Variants in ZNF507 observed in about 807,000 individuals in gnomAD.
ZNF507 encodes zinc finger protein 507.
A neutral mutation model predicts 80.0 loss-of-function variants in ZNF507; 29 were observed. That is an observed-to-expected ratio of 0.36 (90% CI 0.27 to 0.49). The LOEUF (loss-of-function observed/expected upper bound fraction) is 0.49, where lower values mean the gene tolerates loss of function less well. Ranked by LOEUF, ZNF507 falls within the 20% of genes least tolerant of loss-of-function variation. ZNF507 has a pLI of 0.98. For synonymous variants in ZNF507, 462 were observed against 422.5 expected (o/e 1.09, Z -1.15); for missense variants, 1,081 against 1,152.2 (o/e 0.94, Z 0.90).
chr19:32,363,213 A>G (rs772278995), intron 5 of ZNF507, among the ~76,000 whole-genome samples: 1 of 152,208 alleles, frequency 6.6e-6, no homozygotes, highest in Non-Finnish European at 1.5e-5. Flanking sequence ...CTCAGAGTTC[A>G]TGCCATATCC....
chr19:32,353,051 G>A lies in ZNF507; in HGVS notation c.221G>A (p.Ser74Asn), dbSNP rs759338563. ...ATTGGGAAGAAACGCCCACGTTCAA[G>A]TGCTGCAACACACTCTCTTGAAACC... is the stretch of plus-strand genomic sequence containing the variant. ...LLIGKKRPRSSAATHSLETQE... is the reference protein window; with the variant it reads ...LLIGKKRPRSNAATHSLETQE... The change falls in exon 3 of 7, where the codon AGT (serine) becomes AAT (asparagine). Residue 74 changes from serine (S) to asparagine (N), a missense_variant. Transcript: ENST00000355898. 16 of 1,613,980 alleles carry A rather than the reference G, an allele frequency of 9.9e-6. No homozygotes were observed. In the East Asian group the frequency reaches 3.3e-4, roughly 34 times the overall value.
In ZNF507 at chr19:32,354,867, C is replaced by A. The variant is rs747739233; in HGVS notation, c.2037C>A (p.Asp679Glu). The change falls in exon 3 of 7, where the codon GAC (aspartate) becomes GAA (glutamate). Residue 679 changes from aspartate to glutamate, a missense_variant. By Grantham distance (45) the Asp-to-Glu change is conservative (BLOSUM62 2). Around this residue, in one of 6 missense-constraint regions of ZNF507, gnomAD observed 614 missense variants for 583.9 expected, o/e 1.05. Coordinates refer to ENST00000355898, the MANE Select transcript of ZNF507 (RefSeq NM_001136156.2). ...GTCCTATCTGCGAGCACATAGCGGA[C>A]AACAGCAAAGATTTGGAGAGTCACA... is the stretch of plus-strand genomic sequence containing the variant. ...YQCPICEHIADNSKDLESHMI... is the reference protein window; with the variant it reads ...YQCPICEHIAENSKDLESHMI... 6.2e-7 allele frequency: 1 copy of A among 1,614,154 alleles called. No homozygotes were observed. Among genetic ancestry groups the A allele is most frequent in the Non-Finnish European group, 8.5e-7 (1 of 1,180,032 alleles).
At chr19:32,350,739 A>G (rs1273515086) in intron 2 of ZNF507, among the ~76,000 whole-genome samples, 1 of 152,182 alleles carries the variant, frequency 6.6e-6, no homozygotes, top group Non-Finnish European at 1.5e-5. Flanking sequence ...TTTCATGGGG[A>G]AGGAGACCTT....
rs757742021 is a variant in ZNF507 at position 32,353,842 on chromosome 19, T to C, written c.1012T>C (p.Leu338=). The change falls in exon 3 of 7, where the codon TTA becomes CTA. Residue 338 remains leucine, a synonymous_variant. Transcript: ENST00000355898. ...SSEQLSSSSP[L]EQSAERGVHL... Reference sequence around the variant, plus strand: ...AGAACAGTTATCATCTTCATCTCCTTTAGAACAGAGTGCAGAAAGAGGAGT... The same window carrying C: ...AGAACAGTTATCATCTTCATCTCCTCTAGAACAGAGTGCAGAAAGAGGAGT... The C allele has an allele frequency of 6.2e-7, 1 of 1,614,124 alleles. No homozygotes were observed. Among genetic ancestry groups the C allele is most frequent in the Non-Finnish European group, 8.5e-7 (1 of 1,180,020 alleles).
chr19:32,363,294 G>C (rs1421555229), intron 5 of ZNF507, among the ~76,000 whole-genome samples: 1 of 152,214 alleles, frequency 6.6e-6, no homozygotes, highest in Admixed American at 6.5e-5. Flanking sequence ...TTCTTAAAGA[G>C]CTACAAGGCC....
Position 32,354,634 on chromosome 19 carries a change from G to C in ZNF507, c.1804G>C (p.Ala602Pro). Residue 602 changes from alanine to proline, a missense_variant, in exon 3 of 7, where the codon GCT (alanine) becomes CCT (proline). Around this residue, in one of 6 missense-constraint regions of ZNF507, gnomAD observed 614 missense variants for 583.9 expected, o/e 1.05. Coordinates refer to ENST00000355898, the MANE Select transcript of ZNF507 (RefSeq NM_001136156.2). ...ATTGAGAGAAAGGACAGACCAAAAC[G>C]CTTCAGACGATGACATTTTGAAAGA... is the stretch of plus-strand genomic sequence containing the variant. Reference protein sequence around the residue: ...EKLRERTDQNASDDDILKELQ... With the variant: ...EKLRERTDQNPSDDDILKELQ... The C allele has an allele frequency of 6.2e-7, 1 of 1,614,128 alleles. No homozygotes were observed. The highest frequency in any genetic ancestry group is 8.5e-7 in the Non-Finnish European group (1 of 1,180,028).
In ZNF507 at chr19:32,354,272, G is replaced by C; in HGVS notation, c.1442G>C (p.Gly481Ala). Residue 481 changes from glycine to alanine, a missense_variant, in exon 3 of 7, where the codon GGC (glycine) becomes GCC (alanine). Around this residue, in one of 6 missense-constraint regions of ZNF507, gnomAD observed 614 missense variants for 583.9 expected, o/e 1.05. Transcript: ENST00000355898. ...GCTACTGATGAGAATGCCCCACCAGGCCGGAGAAGGACAAATTCTGAGTCT... is the reference window on the plus strand; with the variant it reads ...GCTACTGATGAGAATGCCCCACCAGCCCGGAGAAGGACAAATTCTGAGTCT... ...GLATDENAPP[G>A]RRRTNSESLR... 6.2e-7 allele frequency: 1 copy of C among 1,614,178 alleles called. No individual in the cohort carries two copies. Among genetic ancestry groups the C allele is most frequent in the Non-Finnish European group, 8.5e-7 (1 of 1,180,048 alleles).
chr19:32,364,905 G>A (rs1394930174), intron 5 of ZNF507, among the ~76,000 whole-genome samples: 1 of 152,148 alleles, frequency 6.6e-6, no homozygotes, highest in Non-Finnish European at 1.5e-5. Flanking sequence ...GTTCCATAGT[G>A]GCTGTACTAG....
intron 5 of ZNF507, among the ~76,000 whole-genome samples, chr19:32,366,187 C>T (rs1417853697): frequency 6.6e-6 from 1 of 151,856 alleles, no homozygotes; most frequent in Non-Finnish European, 1.5e-5. Context: ...TTAAGTCTCT[C>T]TCTCCCTCCC....
At chr19:32,378,649 T>A (rs376711103) in intron 5 of ZNF507, among the ~76,000 whole-genome samples, 2 of 122,320 alleles carry the variant, frequency 1.6e-5, no homozygotes, top group East Asian at 2.0e-4. Flanking sequence ...CTTTTTTTTT[T>A]TAAAAAAAAA....
Position 32,353,575 on chromosome 19 carries a change from C to G in ZNF507, c.745C>G (p.Arg249Gly). 1 of 1,614,118 alleles carries G rather than the reference C, an allele frequency of 6.2e-7. No homozygotes were observed. The highest frequency in any genetic ancestry group is 8.5e-7 in the Non-Finnish European group (1 of 1,180,032). Residue 249 changes from arginine to glycine, a missense_variant, in exon 3 of 7, where the codon CGA becomes GGA. By Grantham distance (125) the Arg-to-Gly change is moderately radical. This residue lies in a region of ZNF507 where 275 missense variants were observed against 303.9 expected (regional missense o/e 0.90). Transcript: ENST00000355898. ...WYAYEQYGMY[R>G]CLFCSYTCGQ... ...TGCATACGAACAGTACGGCATGTAT[C>G]GATGCTTGTTTTGTAGTTATACTTG... is the stretch of plus-strand genomic sequence containing the variant.
At position 32,354,503 on chromosome 19, in the gene ZNF507, A is replaced by G. The variant is rs1333893313; in HGVS notation, c.1673A>G (p.Asn558Ser). Residue 558 changes from asparagine to serine, a missense_variant, in exon 3 of 7, where the codon AAC becomes AGC. Asn to Ser is a conservative substitution (Grantham distance 46). Coordinates refer to ENST00000355898, the MANE Select transcript of ZNF507 (RefSeq NM_001136156.2). ...TCTTCAGATGGATTAACTAGTCTTAACCAAAGCAACTCCACCTTGGTAGCA... is the reference window on the plus strand; with the variant it reads ...TCTTCAGATGGATTAACTAGTCTTAGCCAAAGCAACTCCACCTTGGTAGCA... The part of the protein sequence containing the change: ...KNSSDGLTSL[N>S]QSNSTLVALP... The G allele has an allele frequency of 1.2e-6, 2 of 1,614,216 alleles. No homozygotes were observed. The highest frequency in any genetic ancestry group is 8.5e-7 in the Non-Finnish European group (1 of 1,180,040).
intron 2 of ZNF507, among the ~76,000 whole-genome samples, chr19:32,352,626 T>C (rs1161694033): frequency 2.0e-5 from 3 of 152,194 alleles, no homozygotes; most frequent in Admixed American, 1.3e-4. Flanking sequence ...TCATTAGTCT[T>C]GATAGAAGAT....
chr19:32,361,848 TTTCC>T (rs1388973474), intron 5 of ZNF507, among the ~76,000 whole-genome samples: 2 of 142,806 alleles, frequency 1.4e-5, no homozygotes, highest in Non-Finnish European at 3.1e-5. Flanking sequence ...CCTTTCTTCC[TTTCC>T]TTCCTTCCTT....
intron 2 of ZNF507, among the ~76,000 whole-genome samples, chr19:32,348,722 TTA>T (rs2145311118): frequency 6.6e-6 from 1 of 152,358 alleles, no homozygotes; most frequent in East Asian, 1.9e-4. Flanking sequence ...TTTAATGTTG[TTA>T]TGTCTAAACA....
chr19:32,359,115 G>T (rs1279017135), intron 4 of ZNF507: 2 of 151,872 alleles, frequency 1.3e-5, no homozygotes, highest in East Asian at 3.9e-4. Context: ...ATTTTTTAGG[G>T]TTTTTTTAAA....
intron 5 of ZNF507, among the ~76,000 whole-genome samples, chr19:32,372,858 A>G (rs73565330): frequency 0.032 from 4,900 of 152,264 alleles, 259 homozygotes; most frequent in African/African-American, 0.11. Flanking sequence ...CAAACAGACC[A>G]TATCTAAACT....
Position 32,353,239 on chromosome 19 carries a change from T to G in ZNF507, c.409T>G (p.Phe137Val). Residue 137 changes from phenylalanine (F) to valine (V), a missense_variant, in exon 3 of 7, where the codon TTT (phenylalanine) becomes GTT (valine). By Grantham distance (50) the Phe-to-Val change is conservative (BLOSUM62 -1). This residue lies in a region of ZNF507 where 275 missense variants were observed against 303.9 expected (regional missense o/e 0.90). Transcript: ENST00000355898. Reference protein sequence around the residue: ...CSLCKFLSSSFSVLKDHIKQH... With the variant: ...CSLCKFLSSSVSVLKDHIKQH... ...CCTTTGTAAGTTTCTATCATCATCC[T>G]TTTCCGTGTTAAAAGATCATATTAA... The G allele has an allele frequency of 3.1e-6, 5 of 1,614,222 alleles. No homozygotes were observed. The highest frequency in any genetic ancestry group is 4.2e-6 in the Non-Finnish European group (5 of 1,180,034).
At chr19:32,352,147 ATAGTTTGTGGTT>A (rs1238587035) in intron 2 of ZNF507, among the ~76,000 whole-genome samples, 2 of 151,874 alleles carry the variant, frequency 1.3e-5, no homozygotes, top group African/African-American at 2.4e-5. Context: ...AAACCACAGC[ATAGTTTGTGGTT>A]TATCTTCAGG....
Sources: gnomAD v4.1 joint callset for allele counts (sites outside exome capture counted in the v4.1 genomes callset) on GRCh38, gnomAD v4.1.1 for gene constraint, gnomAD v4.1.1 regional missense constraint, MANE v1.5 for transcripts, NCBI Gene and HGNC (gene_info 2026-07-23, HGNC 2026-07-21) for gene names.